Variants in KHDRBS2 observed in about 807,000 individuals in gnomAD.
The protein encoded by KHDRBS2 is KH domain-containing, RNA-binding, signal transduction-associated protein 2.
A neutral mutation model predicts 44.3 loss-of-function variants in KHDRBS2; 26 were observed. That is an observed-to-expected ratio of 0.59 (90% CI 0.43 to 0.81). The LOEUF (loss-of-function observed/expected upper bound fraction) is 0.81. KHDRBS2 is among the 40% of genes least tolerant of loss of function. The pLI is 0.00. For missense variants in KHDRBS2, 476 were observed against 433.1 expected, an observed-to-expected ratio of 1.10 and a Z score of -0.88; for synonymous variants, 194 against 151.1, an observed-to-expected ratio of 1.28 and a Z score of -2.08.
intron 6 of KHDRBS2, among the ~76,000 whole-genome samples, chr6:61,768,485 C>A (rs1442308499): frequency 6.6e-6 from 1 of 152,042 alleles, no homozygotes; most frequent in Admixed American, 6.6e-5. Context: ...AGGCCAATAT[C>A]TCTTAGATTT....
chr6:62,140,717 G>A (rs1298182685), intron 2 of KHDRBS2, among the ~76,000 whole-genome samples: 2 of 152,142 alleles, frequency 1.3e-5, no homozygotes, highest in African/African-American at 2.4e-5. Flanking sequence ...TGCGTGCCAT[G>A]GATTAAGAAT....
intron 2 of KHDRBS2, among the ~76,000 whole-genome samples, chr6:62,161,171 C>T (rs1817539152): frequency 6.6e-6 from 1 of 151,850 alleles, no homozygotes; most frequent in Admixed American, 6.6e-5. Flanking sequence ...CTACTTGTGT[C>T]TTTGGATATA....
In KHDRBS2 at chr6:61,923,337, G is replaced by A. The variant is rs755090619; in HGVS notation, c.484-21966C>T. 2.2e-4 allele frequency among the ~76,000 whole-genome samples: 33 copies of A among 151,696 alleles called. 1 individual carries two copies. Among genetic ancestry groups the A allele is most frequent in the Admixed American group, 2.0e-3 (30 of 15,096 alleles). On this transcript the variant is annotated intron_variant, in intron 4 of 8. Coordinates refer to ENST00000281156, the MANE Select transcript of KHDRBS2 (RefSeq NM_152688.4). ...ATGCAGATATTAAAAGTATAGTAAT[G>A]GACTATTATAACTATGCCAATAAAT...
intron 3 of KHDRBS2, among the ~76,000 whole-genome samples, chr6:61,986,173 A>T (rs976563986): frequency 3.9e-5 from 6 of 152,332 alleles, no homozygotes; most frequent in Middle Eastern, 3.4e-3. Context: ...TCATGAAAAG[A>T]TGAAATGAGG....
At chr6:61,607,530 A>AAAAAAAAAAAAAAAAC in the KHDRBS2 span, among the ~76,000 whole-genome samples, 1 of 145,654 alleles carries the variant, frequency 6.9e-6, no homozygotes, top group South Asian at 2.1e-4. Context: ...CAAAAAAAAA[A>AAAAAAAAAAAAAAAAC]AAAAAAAAAA....
Position 62,286,174 on chromosome 6 carries a change from G to C in KHDRBS2, c.-226C>G, listed in dbSNP as rs1286393141. 3.1e-5 allele frequency: 17 copies of C among 543,280 alleles called. No homozygotes were observed. The highest frequency in any genetic ancestry group is 5.5e-5 in the Non-Finnish European group (17 of 311,184). 33.7% of individuals were successfully genotyped at this position (543,280 alleles called of 1,614,324 possible). ...GTCCCTTCCGTCGTCCCTCGCTCGC[G>C]CAGAGCCCCGGCTCACACCAGCGGC... On this transcript the variant is annotated 5_prime_UTR_variant, in exon 1 of 9. Transcript: ENST00000281156.
At chr6:61,964,535 T>C (rs966502209) in intron 4 of KHDRBS2, among the ~76,000 whole-genome samples, 1 of 152,088 alleles carries the variant, frequency 6.6e-6, no homozygotes, top group Non-Finnish European at 1.5e-5. Flanking sequence ...GAATTTTTAA[T>C]TTATGAAAGC....
intron 4 of KHDRBS2, among the ~76,000 whole-genome samples, chr6:61,911,115 T>A (rs1409250463): frequency 6.6e-6 from 1 of 152,184 alleles, no homozygotes; most frequent in East Asian, 1.9e-4. Flanking sequence ...ACACATTCTA[T>A]GCATAAAAGA....
intron 2 of KHDRBS2, among the ~76,000 whole-genome samples, chr6:62,149,513 C>T (rs1234932363): frequency 1.3e-5 from 2 of 152,042 alleles, no homozygotes. Flanking sequence ...TTTGTCCATT[C>T]CCCCAACTAA....
chr6:61,935,617 A>C (rs923635857), intron 4 of KHDRBS2, among the ~76,000 whole-genome samples: 6 of 152,148 alleles, frequency 3.9e-5, no homozygotes, highest in Non-Finnish European at 8.8e-5. Context: ...TGGGAAACAA[A>C]TTCCCCTGAG....
At chr6:62,077,180 T>A (rs1373565776) in intron 2 of KHDRBS2, among the ~76,000 whole-genome samples, 1 of 152,062 alleles carries the variant, frequency 6.6e-6, no homozygotes, top group Non-Finnish European at 1.5e-5. Flanking sequence ...AAAACTTAAT[T>A]TACTGAAGAG....
chr6:62,265,165 G>A (rs560608697), intron 1 of KHDRBS2, among the ~76,000 whole-genome samples: 5 of 151,868 alleles, frequency 3.3e-5, no homozygotes, highest in Non-Finnish European at 5.9e-5. Flanking sequence ...GGGGACCCTC[G>A]GAATACTGTT....
intron 3 of KHDRBS2, among the ~76,000 whole-genome samples, chr6:62,046,131 TGTAA>T (rs1787640894): frequency 6.6e-6 from 1 of 151,876 alleles, no homozygotes. Flanking sequence ...GAAACTGAAT[TGTAA>T]GTAACAGGTA....
At chr6:61,774,043 G>C (rs1219622218) in intron 6 of KHDRBS2, among the ~76,000 whole-genome samples, 1 of 152,186 alleles carries the variant, frequency 6.6e-6, no homozygotes, top group African/African-American at 2.4e-5. Context: ...TTTGGTTACT[G>C]TAGCCTTGTA....
Position 61,982,727 on chromosome 6 carries a change from T to C in KHDRBS2, c.337-4515A>G, listed in dbSNP as rs189563140. ...GACTGATTAAAGATTTTCAGAACTA[T>C]AGTGGAGACACTGAGGAGTTCATAA... On this transcript the variant is annotated intron_variant, in intron 3 of 8. Transcript: ENST00000281156. Among the ~76,000 whole-genome samples, 43 of 150,694 alleles carry C rather than the reference T, an allele frequency of 2.9e-4. 1 individual carries two copies. In the East Asian group the frequency reaches 7.0e-3, roughly 25 times the overall value.
intron 2 of KHDRBS2, among the ~76,000 whole-genome samples, chr6:62,143,066 T>C (rs116100254): frequency 2.0e-5 from 3 of 152,044 alleles, no homozygotes; most frequent in African/African-American, 7.2e-5. Flanking sequence ...TTAAGCTCAA[T>C]AACAGAGTTA....
At position 61,959,776 on chromosome 6, in the gene KHDRBS2, C is replaced by T. The variant is rs1253925392; in HGVS notation, c.483+18290G>A. ...ACAAAGTTAAGTCTGCATTCACTGG[C>T]AGCCATATTCATAGAAAATTTCTAA... On this transcript the variant is annotated intron_variant, in intron 4 of 8. Transcript: ENST00000281156. Among the ~76,000 whole-genome samples the T allele has an allele frequency of 2.0e-5, 3 of 152,120 alleles. No individual in the cohort carries two copies. The East Asian group carries it at 5.8e-4, about 29-fold the overall frequency.
At chr6:61,684,336 C>T (rs1413234166) in intron 8 of KHDRBS2, among the ~76,000 whole-genome samples, 4 of 151,838 alleles carry the variant, frequency 2.6e-5, no homozygotes, top group African/African-American at 9.7e-5. Flanking sequence ...ACCTGAGTCC[C>T]ATGGAACCTT....
intron 6 of KHDRBS2, among the ~76,000 whole-genome samples, chr6:61,864,004 GT>G (rs1000795766): frequency 1.9e-4 from 29 of 152,066 alleles, no homozygotes; most frequent in African/African-American, 4.3e-4. Context: ...AGATAGTTAG[GT>G]TTTTTTGTTG....
Sources: allele counts gnomAD v4.1 joint callset (sites outside exome capture counted in the v4.1 genomes callset), GRCh38; gene constraint gnomAD v4.1.1; transcripts MANE v1.5; gene names NCBI Gene and HGNC (gene_info 2026-07-23, HGNC 2026-07-21).